COG5: variants seen among roughly 807,000 people sequenced by gnomAD.
COG5 encodes conserved oligomeric Golgi complex subunit 5.
Under a neutral mutation model 110.4 loss-of-function variants are expected in COG5, and 86 were observed. The ratio of observed to expected loss-of-function variants is 0.78; its 90% confidence interval spans 0.65 to 0.93. The LOEUF is 0.93. Ranked by LOEUF, COG5 falls within the 40% of genes least tolerant of loss-of-function variation. The probability of loss-of-function intolerance (pLI) is 0.00; values close to 1 mark genes in which losing one functional copy is unlikely to be tolerated. For synonymous variants in COG5, 360 were observed against 334.6 expected, an observed-to-expected ratio of 1.08 and a Z score of -0.83; for missense variants, 1,077 against 987.0, an observed-to-expected ratio of 1.09 and a Z score of -1.22.
chr7:107,267,402 A>G (rs1367887438), intron 14 of COG5, among the ~76,000 whole-genome samples: 1 of 152,216 alleles, frequency 6.6e-6, no homozygotes, highest in Non-Finnish European at 1.5e-5. Flanking sequence ...TAGAATTTCT[A>G]TCTACCCATG....
rs368585889 is a variant in COG5 at position 107,237,482 on chromosome 7, T to C, written c.1854-795A>G. ...AATCTTTTTCAAAAAGCAAGTTAAG[T>C]GTTTCCATATTCTGAGAATGACGTA... On this transcript the variant is annotated intron_variant, in intron 17 of 21. Coordinates refer to ENST00000297135, the MANE Select transcript of COG5 (RefSeq NM_006348.5). Among the ~76,000 whole-genome samples, 9 of 152,302 alleles carry C rather than the reference T, an allele frequency of 5.9e-5. No homozygotes were observed. The South Asian group carries it at 1.2e-3, about 21-fold the overall frequency.
intron 13 of COG5, 59 bp downstream of exon 13, chr7:107,283,512 A>G (rs1771456763): frequency 1.4e-6 from 2 of 1,409,782 alleles, no homozygotes; most frequent in Non-Finnish European, 2.0e-6. Flanking sequence ...CTGCTATCAT[A>G]TATCACTAAC....
rs766397943 is a variant in COG5, at chr7:107,284,375, A to G, written c.1314-643T>C. On this transcript the variant is annotated intron_variant, in intron 12 of 21. Coordinates refer to ENST00000297135, the MANE Select transcript of COG5 (RefSeq NM_006348.5). ...GGGGCTATGCCTTTACTTGTAAATC[A>G]TACCTATAGAGTTATCGAAGCATAT... Among the ~76,000 whole-genome samples the G allele has an allele frequency of 7.4e-4, 112 of 152,328 alleles. 1 individual carries two copies. Among genetic ancestry groups the G allele is most frequent in the South Asian group, 2.5e-3 (12 of 4,830 alleles).
chr7:107,279,274 A>T (rs1256674843), intron 14 of COG5, among the ~76,000 whole-genome samples: 1 of 152,220 alleles, frequency 6.6e-6, no homozygotes, highest in Non-Finnish European at 1.5e-5. Flanking sequence ...CGATCATTAA[A>T]AAGTCAGGAA....
chr7:107,353,462 G>A (rs1391893170), intron 10 of COG5, among the ~76,000 whole-genome samples: 8 of 149,438 alleles, frequency 5.4e-5, no homozygotes, highest in Non-Finnish European at 1.0e-4. Flanking sequence ...AATATAGTAA[G>A]AGAAAAATAA....
intron 10 of COG5, among the ~76,000 whole-genome samples, chr7:107,347,517 C>T (rs1055002448): frequency 5.3e-5 from 8 of 152,108 alleles, no homozygotes; most frequent in African/African-American, 1.9e-4. Context: ...AAATGAATTG[C>T]TCTCAAATAT....
intron 15 of COG5, among the ~76,000 whole-genome samples, chr7:107,257,053 C>A (rs1382361707): frequency 6.6e-6 from 1 of 152,086 alleles, no homozygotes; most frequent in African/African-American, 2.4e-5. Context: ...ATTCATGTTA[C>A]ATAGGTTTTA....
chr7:107,409,083 A>T (rs369251844), intron 7 of COG5, among the ~76,000 whole-genome samples: 2 of 152,052 alleles, frequency 1.3e-5, no homozygotes, highest in Non-Finnish European at 2.9e-5. Context: ...GCAGATTGAG[A>T]TTTTAAAGTT....
At chr7:107,503,810 T>C (rs1798792417) in intron 6 of COG5, among the ~76,000 whole-genome samples, 1 of 152,198 alleles carries the variant, frequency 6.6e-6, no homozygotes, top group Non-Finnish European at 1.5e-5. Context: ...GGTTGGTGTG[T>C]AGCAGTGCTA....
chr7:107,392,868 C>A (rs1790723060), intron 7 of COG5, among the ~76,000 whole-genome samples: 1 of 152,096 alleles, frequency 6.6e-6, no homozygotes, highest in African/African-American at 2.4e-5. Flanking sequence ...TGTACAAATA[C>A]ACACGTTAGC....
At chr7:107,427,953 G>C (rs1216828747) in intron 6 of COG5, among the ~76,000 whole-genome samples, 1 of 152,116 alleles carries the variant, frequency 6.6e-6, no homozygotes, top group African/African-American at 2.4e-5. Flanking sequence ...CAGTGTGGCT[G>C]GGTCCGAAGC....
At chr7:107,360,634 A>G (rs1466110364) in intron 10 of COG5, among the ~76,000 whole-genome samples, 2 of 152,056 alleles carry the variant, frequency 1.3e-5, no homozygotes, top group African/African-American at 4.8e-5. Flanking sequence ...CCTCATCTAG[A>G]TGCCTGCAGC....
At chr7:107,499,932 G>A (rs1037177356) in intron 6 of COG5, among the ~76,000 whole-genome samples, 6 of 151,902 alleles carry the variant, frequency 3.9e-5, no homozygotes, top group Non-Finnish European at 7.4e-5. Flanking sequence ...CAGATGAGTC[G>A]CATGTCCACG....
chr7:107,291,440 G>C (rs1047021247), intron 12 of COG5, among the ~76,000 whole-genome samples: 11 of 152,102 alleles, frequency 7.2e-5, no homozygotes, highest in Non-Finnish European at 1.2e-4. Context: ...TCTAAGGCTT[G>C]TTATTGTTGT....
intron 6 of COG5, among the ~76,000 whole-genome samples, chr7:107,517,158 C>T (rs1319235739): frequency 6.6e-6 from 1 of 152,044 alleles, no homozygotes; most frequent in Non-Finnish European, 1.5e-5. Context: ...TAGAGGGGAA[C>T]ATTAATGACT....
At chr7:107,269,693 T>C (rs992109715) in intron 14 of COG5, among the ~76,000 whole-genome samples, 1 of 152,232 alleles carries the variant, frequency 6.6e-6, no homozygotes, top group Non-Finnish European at 1.5e-5. Context: ...TAGATTTACC[T>C]ATATGTTTAT....
At chr7:107,340,485 C>A (rs1007841067) in intron 10 of COG5, among the ~76,000 whole-genome samples, 1 of 151,840 alleles carries the variant, frequency 6.6e-6, no homozygotes, top group Non-Finnish European at 1.5e-5. Context: ...TATTCTCCCC[C>A]AATCCCCCTA....
chr7:107,415,305 T>C (rs1455530593), intron 6 of COG5, among the ~76,000 whole-genome samples: 1 of 152,094 alleles, frequency 6.6e-6, no homozygotes, highest in African/African-American at 2.4e-5. Flanking sequence ...AAGCAGATTA[T>C]TTACAGATAT....
chr7:107,370,811 T>TATATAC (rs1814090283), intron 8 of COG5, among the ~76,000 whole-genome samples: 1 of 148,250 alleles, frequency 6.7e-6, no homozygotes, highest in Non-Finnish European at 1.5e-5. Flanking sequence ...TTTATATATA[T>TATATAC]ATATATACAC....
Sources: gnomAD v4.1 joint callset for allele counts (sites outside exome capture counted in the v4.1 genomes callset) on GRCh38, gnomAD v4.1.1 for gene constraint, MANE v1.5 for transcripts, NCBI Gene and HGNC (gene_info 2026-07-23, HGNC 2026-07-21) for gene names.